The following CCDC78 variants were observed in gnomAD, a reference collection of about 807,000 sequenced individuals.
CCDC78 encodes coiled-coil domain containing 78, also known as coiled-coil domain-containing protein 78.
In CCDC78, 78 loss-of-function variants were observed where a neutral mutation model predicts 61.9. The ratio of observed to expected loss-of-function variants is 1.26; its 90% CI spans 1.05 to 1.52. The LOEUF (loss-of-function observed/expected upper bound fraction) is 1.52, where lower values mean the gene tolerates loss of function less well. Ranked by LOEUF, CCDC78 falls within the 40% of genes most tolerant of loss-of-function variation. The pLI is 0.00. For synonymous variants in CCDC78, 287 were observed against 251.9 expected (o/e 1.14, Z -1.32); for missense variants, 737 against 615.5 (o/e 1.20, Z -2.09).
At chr16:724,256 G>A (rs767360464) in intron 9 of CCDC78, 51 bp from the exon 10 acceptor site, 3 of 1,588,030 alleles carry the variant, frequency 1.9e-6, no homozygotes, top group Admixed American at 3.4e-5. Context: ...TGCACACCAA[G>A]CCTTTGAGGC....
intron 11 of CCDC78, 56 bp downstream of exon 11, chr16:723,801 G>T (rs367596066): frequency 1.3e-6 from 2 of 1,505,770 alleles, no homozygotes; most frequent in African/African-American, 1.4e-5. Context: ...GGGTGCAGGC[G>T]TTGTGCTCTC....
rs759668390 is a variant in CCDC78, at chr16:723,894, G to T, written c.1096C>A (p.Pro366Thr). 1 of 1,600,466 alleles carries T rather than the reference G, an allele frequency of 6.2e-7. No homozygotes were observed. Among genetic ancestry groups the T allele is most frequent in the Non-Finnish European group, 8.5e-7 (1 of 1,173,794 alleles). ...GALLSSPKKR[P>T]GGASQGGTSE... ...GTTCCCCCCTGGGAGGCTCCACCGG[G>T]TCTCTTTTTTGGGGATGAGAGCAGT... The change falls in exon 11 of 14, where the codon CCC (proline) becomes ACC (threonine). Residue 366 changes from proline (P) to threonine (T), a missense_variant. Pro to Thr is a conservative substitution (Grantham distance 38). Coordinates refer to ENST00000345165, the MANE Select transcript of CCDC78 (RefSeq NM_001378030.1).
In CCDC78 at chr16:726,008, C is replaced by T. The variant is rs1346944940; in HGVS notation, c.138G>A (p.Glu46=). 1 of 1,549,624 alleles carries T rather than the reference C, an allele frequency of 6.5e-7. No individual in the cohort carries two copies. Among genetic ancestry groups the T allele is most frequent in the Admixed American group, 2.0e-5 (1 of 51,024 alleles). ...TATTGAGCGCTAGATCTGGTGGGACCTCTGCTTCCAAGCTGGTGGCCCACA... is the reference window on the plus strand; with the variant it reads ...TATTGAGCGCTAGATCTGGTGGGACTTCTGCTTCCAAGCTGGTGGCCCACA... ...TAVWATSLEA[E]VPPDLALNKE... is the part of the protein sequence containing the mutation. The change falls in exon 2 of 14, where the codon GAG becomes GAA. Residue 46 remains glutamate, a synonymous_variant. Coordinates refer to ENST00000345165, the MANE Select transcript of CCDC78 (RefSeq NM_001378030.1).
chr16:726,410 C>T lies in CCDC78; in HGVS notation c.-43G>A. The T allele has an allele frequency of 6.6e-7, 1 of 1,506,820 alleles. No homozygotes were observed. Among genetic ancestry groups the T allele is most frequent in the East Asian group, 2.5e-5 (1 of 40,630 alleles). 93.3% of individuals were successfully genotyped at this position (1,506,820 alleles called of 1,614,324 possible). A position where few individuals can be genotyped will look rare whatever the true frequency, so the allele number is the denominator to read the frequency against. Reference sequence around the variant, plus strand: ...CCAGCTCCGAGCCCGGTGCTGCCTCCACGCCCGGCTTCCCCATGGCTGCTG... The same window carrying T: ...CCAGCTCCGAGCCCGGTGCTGCCTCTACGCCCGGCTTCCCCATGGCTGCTG... On this transcript the variant is annotated 5_prime_UTR_variant, in exon 1 of 14. Transcript: ENST00000345165.
At chr16:724,853 G>A in intron 7 of CCDC78, 47 bp from the exon 8 acceptor site, 2 of 1,607,602 alleles carry the variant, frequency 1.2e-6, no homozygotes, top group Non-Finnish European at 1.7e-6. Context: ...GTGGACCCCG[G>A]CTGAGCTTCT....
At position 724,757 on chromosome 16, in the gene CCDC78, G is replaced by GA. The variant is rs1195732056; in HGVS notation, c.688_689insT (p.Ala230ValfsTer13). The GA allele has an allele frequency of 6.2e-7, 1 of 1,612,052 alleles. No homozygotes were observed. Among genetic ancestry groups the GA allele is most frequent in the Non-Finnish European group, 8.5e-7 (1 of 1,179,754 alleles). On this transcript the variant is annotated frameshift_variant, in exon 8 of 14. Transcript: ENST00000345165. LOFTEE classifies it high-confidence loss of function. ...TTTCTTGAGCTGCAGCTGCAGCCGG[G>GA]CATTTTCAGCCTCTGCCTGACGGAG...
chr16:725,386 C>A, intron 4 of CCDC78, 27 bp downstream of exon 4: 1 of 1,611,922 alleles, frequency 6.2e-7, no homozygotes. Context: ...CCTTTCCCAG[C>A]CAGGCTCTCC....
intron 4 of CCDC78, 43 bp from the exon 5 acceptor site, chr16:725,336 C>T (rs201344742): frequency 6.8e-6 from 11 of 1,610,882 alleles, no homozygotes; most frequent in East Asian, 2.2e-5. Flanking sequence ...GGTGGGTGAG[C>T]CCCAGTTTCA....
At chr16:725,196 G>A (rs1567322237) in intron 5 of CCDC78, 41 bp downstream of exon 5, 2 of 1,611,362 alleles carry the variant, frequency 1.2e-6, no homozygotes, top group South Asian at 2.2e-5. Flanking sequence ...TGGGGTCTCT[G>A]GTGCTGCCCT....
Position 725,990 on chromosome 16 carries a change from C to A in CCDC78, c.156G>T (p.Ala52=). The A allele has an allele frequency of 6.4e-7, 1 of 1,551,414 alleles. No individual in the cohort carries two copies. The highest frequency in any genetic ancestry group is 8.7e-7 in the Non-Finnish European group (1 of 1,147,776). ...SLEAEVPPDL[A]LNKEQQLQIS... is the part of the protein sequence containing the mutation. ...CCTGCAGCTGCTGCTCCTTATTGAGCGCTAGATCTGGTGGGACCTCTGCTT... is the reference window on the plus strand; with the variant it reads ...CCTGCAGCTGCTGCTCCTTATTGAGAGCTAGATCTGGTGGGACCTCTGCTT... The change falls in exon 2 of 14, where the codon GCG becomes GCT. Residue 52 remains alanine (A), a synonymous_variant. Coordinates refer to ENST00000345165, the MANE Select transcript of CCDC78 (RefSeq NM_001378030.1).
Position 725,138 on chromosome 16 carries a change from C to T in CCDC78, c.500G>A (p.Gly167Glu). ...ATGCTCCAGCGCCCACTTCACTTCCCCCTGCAGCTGTGGGGCACACAGGGC... is the reference window on the plus strand; with the variant it reads ...ATGCTCCAGCGCCCACTTCACTTCCTCCTGCAGCTGTGGGGCACACAGGGC... ...EQHRLGSGLQ[G>E]EVKWALEHQE... is the part of the protein sequence containing the mutation. Residue 167 changes from glycine (G) to glutamate (E), a missense_variant, in exon 6 of 14, where the codon GGG (glycine) becomes GAG (glutamate). Coordinates refer to ENST00000345165, the MANE Select transcript of CCDC78 (RefSeq NM_001378030.1). 9 of 1,612,812 alleles carry T rather than the reference C, an allele frequency of 5.6e-6. No homozygotes were observed. The highest frequency in any genetic ancestry group is 7.6e-6 in the Non-Finnish European group (9 of 1,179,998).
intron 3 of CCDC78, 62 bp from the exon 4 acceptor site, chr16:725,642 T>A: frequency 6.3e-7 from 1 of 1,586,636 alleles, no homozygotes; most frequent in Non-Finnish European, 8.6e-7. Flanking sequence ...TAGGTGAACA[T>A]TCACCCGGTG....
Position 724,233 on chromosome 16 carries a change from G to A in CCDC78, c.954-28C>T, listed in dbSNP as rs764067069. ...GTCAGGGTAGGCTAGTGTCTGTCTG[G>A]GGCCACTCCTGCTGCACACCAAGCC... is the stretch of plus-strand genomic sequence containing the variant. On this transcript the variant is annotated intron_variant, in intron 9 of 13. Coordinates refer to ENST00000345165, the MANE Select transcript of CCDC78 (RefSeq NM_001378030.1). 8.8e-6 allele frequency: 14 copies of A among 1,585,214 alleles called. No homozygotes were observed. The Admixed American group carries it at 1.9e-4, about 21-fold the overall frequency.
chr16:722,947 C>T lies in CCDC78; in HGVS notation c.1276G>A (p.Glu426Lys), dbSNP rs374749282. Reference sequence around the variant, plus strand: ...CTGCCCAGGTGCTGGTCCACGTACTCCTGTAGCTCAGAAAGTTGCTCTTCA... The same window carrying T: ...CTGCCCAGGTGCTGGTCCACGTACTTCTGTAGCTCAGAAAGTTGCTCTTCA... ...MAEEQLSELQ[E>K]YVDQHLGRYK... Residue 426 changes from glutamate to lysine, a missense_variant, in exon 13 of 14, where the codon GAG (glutamate) becomes AAG (lysine). Glu to Lys is a moderately conservative substitution (Grantham distance 56). Coordinates refer to ENST00000345165, the MANE Select transcript of CCDC78 (RefSeq NM_001378030.1). The T allele has an allele frequency of 1.5e-4, 239 of 1,612,246 alleles. No homozygotes were observed. Among genetic ancestry groups the T allele is most frequent in the Non-Finnish European group, 2.0e-4 (234 of 1,180,008 alleles).
At position 726,223 on chromosome 16, in the gene CCDC78, T is replaced by C. The variant is rs865992451; in HGVS notation, c.60+85A>G. ...CTCCTGGCTGAAATTAGGCCCAGGG[T>C]GCAGGAACCTGCACCCTCCTGGCCT... On this transcript the variant is annotated intron_variant, in intron 1 of 13. Transcript: ENST00000345165. 26 of 1,549,928 alleles carry C rather than the reference T, an allele frequency of 1.7e-5. No individual in the cohort carries two copies. The African/African-American group carries it at 2.3e-4, about 14-fold the overall frequency.
chr16:723,242 G>A lies in CCDC78; in HGVS notation c.1134-81C>T, dbSNP rs1388122034. 5 of 1,480,998 alleles carry A rather than the reference G, an allele frequency of 3.4e-6. No homozygotes were observed. The African/African-American group carries it at 4.2e-5, about 12-fold the overall frequency. The allele number at this position is 1,480,998 out of a possible 1,614,324, so 91.7% of individuals were successfully genotyped here. On this transcript the variant is annotated intron_variant, in intron 11 of 13. Transcript: ENST00000345165. ...GACAGACGTGACCGTGCTGAGTCAG[G>A]TTCCCAGAGCCGGGAGGGGACACCT...
chr16:726,010 C>G lies in CCDC78; in HGVS notation c.136G>C (p.Glu46Gln). 1.3e-6 allele frequency: 2 copies of G among 1,549,688 alleles called. No individual in the cohort carries two copies. Among genetic ancestry groups the G allele is most frequent in the South Asian group, 2.4e-5 (2 of 84,206 alleles). ...TAVWATSLEA[E>Q]VPPDLALNKE... ...TTGAGCGCTAGATCTGGTGGGACCTCTGCTTCCAAGCTGGTGGCCCACACT... is the reference window on the plus strand; with the variant it reads ...TTGAGCGCTAGATCTGGTGGGACCTGTGCTTCCAAGCTGGTGGCCCACACT... The change falls in exon 2 of 14, where the codon GAG becomes CAG. Residue 46 changes from glutamate to glutamine, a missense_variant. By Grantham distance (29) the Glu-to-Gln change is conservative (BLOSUM62 2). Coordinates refer to ENST00000345165, the MANE Select transcript of CCDC78 (RefSeq NM_001378030.1).
rs371030168 is a variant in CCDC78 at position 724,695 on chromosome 16, C to T, written c.751G>A (p.Ala251Thr). ...GCAGGGCTCACCACTGCCTGCCAGG[C>T]GCAGTGTTGCAGCCGTAGGACGTAC... ...DEYVLRLQHCAWQAVEHADGA... is the reference protein window; with the variant it reads ...DEYVLRLQHCTWQAVEHADGA... Residue 251 changes from alanine (A) to threonine (T), a missense_variant, in exon 8 of 14, where the codon GCC becomes ACC. Transcript: ENST00000345165. 29 of 1,611,166 alleles carry T rather than the reference C, an allele frequency of 1.8e-5. No individual in the cohort carries two copies. The highest frequency in any genetic ancestry group is 1.6e-4 in the Middle Eastern group (1 of 6,062).
At chr16:724,278 G>T in intron 9 of CCDC78, 44 bp downstream of exon 9, 2 of 1,598,416 alleles carry the variant, frequency 1.3e-6, no homozygotes, top group Non-Finnish European at 1.7e-6. Flanking sequence ...CAGAGGCTTA[G>T]AGACCCACAG....
Sources: gnomAD v4.1 joint callset for allele counts on GRCh38, gnomAD v4.1.1 for gene constraint, MANE v1.5 for transcripts, NCBI Gene and HGNC (gene_info 2026-07-23, HGNC 2026-07-21) for gene names.